The following EFHD2 variants were observed in gnomAD, a reference collection of about 807,000 sequenced individuals.
EFHD2 encodes the protein EF-hand domain family member D2.
A neutral mutation model predicts 20.3 loss-of-function variants in EFHD2; 12 were observed. The observed-to-expected ratio is 0.59, with a 90% CI of 0.38 to 0.96. EFHD2 has a LOEUF of 0.96. EFHD2 is among the 40% of genes least tolerant of loss of function. The pLI is 0.00. For synonymous variants in EFHD2, 131 were observed against 143.9 expected (o/e 0.91, Z 0.64); for missense variants, 250 against 334.3 (o/e 0.75, Z 1.97).
chr1:15,427,219 C>G lies in EFHD2; in HGVS notation c.526C>G (p.Arg176Gly). 4 of 1,608,640 alleles carry G rather than the reference C, an allele frequency of 2.5e-6. No homozygotes were observed. The highest frequency in any genetic ancestry group is 2.2e-5 in the South Asian group (2 of 89,728). ...GGACAGCGGGCTGTGCGTGCTGGCC[C>G]GCCTCTCTGAGATCGACGTCTCCAG... ...QEDSGLCVLARLSEIDVSSEG... is the reference protein window; with the variant it reads ...QEDSGLCVLAGLSEIDVSSEG... Residue 176 changes from arginine to glycine, a missense_variant, in exon 3 of 4, where the codon CGC (arginine) becomes GGC (glycine). Physicochemically the swap from Arg to Gly is moderately radical, Grantham distance 125. Around this residue, in one of 3 missense-constraint regions of EFHD2, gnomAD observed 100 missense variants for 116.2 expected, o/e 0.86. Coordinates refer to ENST00000375980, the MANE Select transcript of EFHD2 (RefSeq NM_024329.6).
At chr1:15,414,321 T>A (rs1460162070) in intron 1 of EFHD2, among the ~76,000 whole-genome samples, 1 of 152,146 alleles carries the variant, frequency 6.6e-6, no homozygotes, top group Non-Finnish European at 1.5e-5. Context: ...CACCTCCACC[T>A]CCAGGGGACA....
chr1:15,420,001 G>T (rs540152446), intron 1 of EFHD2, among the ~76,000 whole-genome samples: 5 of 152,252 alleles, frequency 3.3e-5, no homozygotes, highest in Middle Eastern at 3.4e-3. Context: ...GCCTAGTAGG[G>T]GAAAAGTGGG....
intron 1 of EFHD2, among the ~76,000 whole-genome samples, chr1:15,416,169 TC>T (rs1189944944): frequency 7.9e-5 from 12 of 151,976 alleles, no homozygotes; most frequent in Middle Eastern, 3.2e-3. Context: ...TCCTCTTTGG[TC>T]CACCCTTCCT....
chr1:15,409,959 C>G lies in EFHD2; in HGVS notation c.-13C>G. 1 of 1,232,768 alleles carries G rather than the reference C, an allele frequency of 8.1e-7. No homozygotes were observed. The highest frequency in any genetic ancestry group is 1.0e-6 in the Non-Finnish European group (1 of 991,202). The allele number at this position is 1,232,768 out of a possible 1,614,324, so 76.4% of individuals were successfully genotyped here. A position where few individuals can be genotyped will look rare whatever the true frequency, so the allele number is the denominator to read the frequency against. ...GCAGGGGCCCGGCCAAGGCGAGTGC[C>G]GCGCGGGCCACCATGGCCACGGACG... On this transcript the variant is annotated 5_prime_UTR_variant, in exon 1 of 4. Transcript: ENST00000375980.
chr1:15,422,084 CA>C (rs1280362708), intron 1 of EFHD2, among the ~76,000 whole-genome samples: 6 of 128,528 alleles, frequency 4.7e-5, no homozygotes, highest in African/African-American at 1.7e-4. Flanking sequence ...CAGGTCATTC[CA>C]TTTTTTTTTT....
intron 1 of EFHD2, among the ~76,000 whole-genome samples, chr1:15,412,061 A>G (rs1489672211): frequency 6.6e-6 from 1 of 151,978 alleles, no homozygotes; most frequent in Non-Finnish European, 1.5e-5. Flanking sequence ...TCTTTGAGAA[A>G]GTCCCAGGGC....
chr1:15,418,075 C>T (rs1244364547), intron 1 of EFHD2, among the ~76,000 whole-genome samples: 3 of 147,228 alleles, frequency 2.0e-5, no homozygotes, highest in Non-Finnish European at 3.0e-5. Context: ...CTGCAGCCTC[C>T]GCCTCCCGGG....
intron 1 of EFHD2, among the ~76,000 whole-genome samples, chr1:15,424,597 G>A (rs1010893631): frequency 6.6e-6 from 1 of 152,134 alleles, no homozygotes; most frequent in Non-Finnish European, 1.5e-5. Context: ...TGCAGGCACT[G>A]CACCACACGT....
In EFHD2 at chr1:15,427,040, A is replaced by G. The variant is rs925921082; in HGVS notation, c.457-110A>G. 2.0e-5 allele frequency: 29 copies of G among 1,430,604 alleles called. No individual in the cohort carries two copies. In the African/African-American group the frequency reaches 3.8e-4, roughly 19 times the overall value. 88.6% of individuals were successfully genotyped at this position (1,430,604 alleles called of 1,614,324 possible). ...GGCGAGACCCAGCTCACTGCCCCCC[A>G]GTCCTTCTCTGCAGGGGAGGCCTGA... On this transcript the variant is annotated intron_variant, in intron 2 of 3. Coordinates refer to ENST00000375980, the MANE Select transcript of EFHD2 (RefSeq NM_024329.6).
Position 15,428,839 on chromosome 1 carries a change from A to C in EFHD2, c.*115A>C. The C allele has an allele frequency of 6.9e-7, 1 of 1,459,254 alleles. No individual in the cohort carries two copies. Among genetic ancestry groups the C allele is most frequent in the Non-Finnish European group, 9.3e-7 (1 of 1,079,880 alleles). The allele number at this position is 1,459,254 out of a possible 1,614,324, so 90.4% of individuals were successfully genotyped here. ...CTGACGGGACCACTACTAAAAACCT[A>C]AAAATATCTGTGAATGGAGCAAGTT... On this transcript the variant is annotated 3_prime_UTR_variant, in exon 4 of 4. Coordinates refer to ENST00000375980, the MANE Select transcript of EFHD2 (RefSeq NM_024329.6).
intron 3 of EFHD2, among the ~76,000 whole-genome samples, chr1:15,427,499 G>A (rs937501577): frequency 6.6e-6 from 1 of 152,218 alleles, no homozygotes; most frequent in Non-Finnish European, 1.5e-5. Context: ...GGTGGGTGAG[G>A]GGGGTGTACT....
At chr1:15,422,847 C>T (rs567144600) in intron 1 of EFHD2, among the ~76,000 whole-genome samples, 11 of 152,120 alleles carry the variant, frequency 7.2e-5, no homozygotes, top group Admixed American at 2.0e-4. Flanking sequence ...GGCGACAGAG[C>T]GAGACTCCGT....
chr1:15,418,213 C>T (rs1224314106), intron 1 of EFHD2, among the ~76,000 whole-genome samples: 1 of 151,380 alleles, frequency 6.6e-6, no homozygotes, highest in Non-Finnish European at 1.5e-5. Flanking sequence ...TGGTCTCAAA[C>T]TCCTGGCCTC....
In EFHD2 at chr1:15,419,365, C is replaced by T. The variant is rs142343245; in HGVS notation, c.309-6506C>T. The stretch of plus-strand genomic sequence containing the variant: ...GGTGCCAGGCCCCGCAGCCTCCCTC[C>T]GGTGCTGGAGAAAAGTGCTGAGCTC... On this transcript the variant is annotated intron_variant, in intron 1 of 3. Transcript: ENST00000375980. Among the ~76,000 whole-genome samples, 219 of 152,326 alleles carry T rather than the reference C, an allele frequency of 1.4e-3. 7 individuals are homozygous for T. In the South Asian group the frequency reaches 0.025, roughly 17 times the overall value.
chr1:15,423,796 G>A (rs1048797857), intron 1 of EFHD2, among the ~76,000 whole-genome samples: 1 of 152,140 alleles, frequency 6.6e-6, no homozygotes, highest in Non-Finnish European at 1.5e-5. Flanking sequence ...GGGACATAGG[G>A]TTCTGGAACA....
rs536570797 is a variant in EFHD2 at position 15,413,570 on chromosome 1, T to G, written c.308+3291T>G. Among the ~76,000 whole-genome samples, 1 of 152,032 alleles carries G rather than the reference T, an allele frequency of 6.6e-6. No individual in the cohort carries two copies. The highest frequency in any genetic ancestry group is 2.1e-4 in the South Asian group (1 of 4,820). The stretch of plus-strand genomic sequence containing the variant: ...GGGGAAGAGAGGGGATGGGGGAAGA[T>G]AGACAGACTGTCAGCCATCACTGGT... On this transcript the variant is annotated intron_variant, in intron 1 of 3. Coordinates refer to ENST00000375980, the MANE Select transcript of EFHD2 (RefSeq NM_024329.6). This position sits in a 1 kb window ranked among gnomAD's most constrained non-coding sequence, Gnocchi z 4.4.
At chr1:15,428,472 G>C in intron 3 of EFHD2, 121 bp from the exon 4 acceptor site, 1 of 1,299,570 alleles carries the variant, frequency 7.7e-7, no homozygotes, top group East Asian at 2.6e-5. Flanking sequence ...ACTCCAGCCT[G>C]GGCGACAGAG....
intron 1 of EFHD2, among the ~76,000 whole-genome samples, chr1:15,411,325 T>C (rs1302675724): frequency 1.3e-5 from 2 of 152,046 alleles, no homozygotes; most frequent in African/African-American, 4.8e-5. Flanking sequence ...ATCCACACTG[T>C]GTGCCCTCAC....
chr1:15,421,483 CT>C (rs749314306), intron 1 of EFHD2, among the ~76,000 whole-genome samples: 128 of 152,180 alleles, frequency 8.4e-4, no homozygotes, highest in Admixed American at 1.4e-3. Flanking sequence ...TATTGTCCCC[CT>C]GGGGGCCAGA....
Sources: gnomAD v4.1 joint callset for allele counts (sites outside exome capture counted in the v4.1 genomes callset) on GRCh38, gnomAD v4.1.1 for gene constraint, gnomAD v4.1.1 regional missense constraint, Gnocchi (gnomAD v3.1) non-coding constraint, MANE v1.5 for transcripts, NCBI Gene and HGNC (gene_info 2026-07-23, HGNC 2026-07-21) for gene names.